The following DTNB variants were observed in gnomAD, a reference collection of about 807,000 sequenced individuals.
DTNB encodes the protein dystrobrevin beta.
A neutral mutation model predicts 90.7 loss-of-function variants in DTNB; 63 were observed. The observed-to-expected ratio is 0.69, with a 90% CI of 0.57 to 0.86. The LOEUF (loss-of-function observed/expected upper bound fraction) is 0.86, where lower values mean the gene tolerates loss of function less well. Among genes scored for constraint, DTNB ranks in the 40% least tolerant of loss-of-function variants. The pLI, the probability that DTNB is intolerant of heterozygous loss-of-function variation, is 0.00. For missense variants in DTNB, 744 were observed against 807.1 expected (o/e 0.92, Z 0.95); for synonymous variants, 277 against 286.7 (o/e 0.97, Z 0.34).
At chr2:25,633,828 C>T (rs1321128628) in intron 3 of DTNB, among the ~76,000 whole-genome samples, 18 of 151,566 alleles carry the variant, frequency 1.2e-4, no homozygotes, top group Non-Finnish European at 1.8e-4. Context: ...CCCGCCACCC[C>T]GTCTGGGATG....
At chr2:25,431,940 AT>A (rs139424695) in intron 14 of DTNB, among the ~76,000 whole-genome samples, 2,736 of 152,062 alleles carry the variant, frequency 0.018, 67 homozygotes, top group African/African-American at 0.063. Context: ...ACATCTAATG[AT>A]TTTTTTTCAC....
intron 10 of DTNB, among the ~76,000 whole-genome samples, chr2:25,457,960 A>C (rs1042489748): frequency 3.5e-4 from 53 of 152,114 alleles, no homozygotes; most frequent in African/African-American, 1.2e-3. Flanking sequence ...CAGCCTCCCA[A>C]GTAGCTGGAA....
At chr2:25,510,634 T>C (rs575919824) in intron 9 of DTNB, among the ~76,000 whole-genome samples, 7 of 151,938 alleles carry the variant, frequency 4.6e-5, no homozygotes, top group South Asian at 2.1e-4. Context: ...CAGCCTCCCA[T>C]GTAGCTGGGA....
chr2:25,438,906 C>A (rs1574470646), intron 12 of DTNB, among the ~76,000 whole-genome samples: 2 of 152,282 alleles, frequency 1.3e-5, no homozygotes, highest in Admixed American at 6.5e-5. Context: ...AAACCCATAA[C>A]CCCAGTTCTA....
At chr2:25,551,924 A>C (rs917185663) in intron 8 of DTNB, among the ~76,000 whole-genome samples, 4 of 152,222 alleles carry the variant, frequency 2.6e-5, no homozygotes, top group Admixed American at 2.6e-4. Context: ...TCCAGCTCAC[A>C]AATTTGTTCT....
chr2:25,379,482 A>T, intron 19 of DTNB, 159 bp from the exon 20 acceptor site: 1 of 907,850 alleles, frequency 1.1e-6, no homozygotes, highest in Non-Finnish European at 1.5e-6. Context: ...GTATGACAGC[A>T]GGGTAGAGTC....
intron 11 of DTNB, among the ~76,000 whole-genome samples, chr2:25,453,089 A>C (rs977088481): frequency 6.6e-6 from 1 of 152,168 alleles, no homozygotes; most frequent in Non-Finnish European, 1.5e-5. Flanking sequence ...CAAGTGGATC[A>C]TATTATGGAG....
intron 6 of DTNB, among the ~76,000 whole-genome samples, chr2:25,592,060 CAA>C (rs1162292627): frequency 0.094 from 4,573 of 48,598 alleles, 179 homozygotes; most frequent in African/African-American, 0.25. Flanking sequence ...GACTCCATCT[CAA>C]AAAAAAAAAA....
rs2054460786 is a variant in DTNB, at chr2:25,433,000, C to CT, written c.1344-2dup. On this transcript the variant is annotated splice_acceptor_variant, in intron 13 of 20. Transcript: ENST00000406818. LOFTEE classifies it high-confidence loss of function. Reference sequence around the variant, plus strand: ...ACGCTGAATCTCCTGCAGGATCTCTCTAGAGAGGATGGGTGAACGGAAAGG... The same window carrying CT: ...ACGCTGAATCTCCTGCAGGATCTCTCTTAGAGAGGATGGGTGAACGGAAAGG... 2 of 1,601,614 alleles carry CT rather than the reference C, an allele frequency of 1.2e-6. No homozygotes were observed. The highest frequency in any genetic ancestry group is 1.7e-6 in the Non-Finnish European group (2 of 1,175,432).
intron 8 of DTNB, among the ~76,000 whole-genome samples, chr2:25,574,448 T>C (rs1278799956): frequency 1.3e-5 from 2 of 152,156 alleles, no homozygotes; most frequent in Admixed American, 1.3e-4. Flanking sequence ...AGATAAAACA[T>C]TCAACAGAAA....
intron 9 of DTNB, among the ~76,000 whole-genome samples, chr2:25,487,419 T>G (rs1019253002): frequency 6.6e-6 from 1 of 152,206 alleles, no homozygotes; most frequent in Non-Finnish European, 1.5e-5. Flanking sequence ...AGAGAGGACT[T>G]AAAGTATATG....
chr2:25,430,636 T>C (rs2053554851), intron 14 of DTNB, among the ~76,000 whole-genome samples: 2 of 152,200 alleles, frequency 1.3e-5, no homozygotes, highest in South Asian at 2.1e-4. Flanking sequence ...TTACATAGGA[T>C]AGTGATAATG....
chr2:25,420,497 T>C (rs1412046657), intron 15 of DTNB, among the ~76,000 whole-genome samples: 3 of 146,630 alleles, frequency 2.0e-5, no homozygotes. Context: ...TATCTATCTA[T>C]CTATCTATCT....
intron 9 of DTNB, among the ~76,000 whole-genome samples, chr2:25,502,779 G>A (rs1197746090): frequency 1.3e-5 from 2 of 151,176 alleles, no homozygotes; most frequent in African/African-American, 4.9e-5. Context: ...TCAGCTACTC[G>A]GGAGGCTGAG....
At position 25,662,683 on chromosome 2, in the gene DTNB, C is replaced by CACACAA. The variant is rs1553662333; in HGVS notation, c.-1-10023_-1-10022insTTGTGT. On this transcript the variant is annotated intron_variant, in intron 1 of 20. Coordinates refer to ENST00000406818, the MANE Select transcript of DTNB (RefSeq NM_021907.5). ...ACACACACACACACACACACACAAA[C>CACACAA]ACACACACACACACACACACACACA... Among the ~76,000 whole-genome samples the CACACAA allele has an allele frequency of 5.9e-4, 60 of 101,694 alleles. 2 individuals are homozygous for CACACAA. Among genetic ancestry groups the CACACAA allele is most frequent in the Middle Eastern group, 4.5e-3 (1 of 222 alleles). 66.7% of individuals were successfully genotyped at this position (101,694 alleles called of 152,430 possible).
intron 1 of DTNB, among the ~76,000 whole-genome samples, chr2:25,659,959 C>T (rs1251637564): frequency 1.2e-4 from 18 of 151,870 alleles, no homozygotes; most frequent in Admixed American, 1.1e-3. Context: ...AAGTCTTCAA[C>T]GAAATATTAG....
At chr2:25,671,673 G>A (rs140013328) in intron 1 of DTNB, among the ~76,000 whole-genome samples, 1 of 152,336 alleles carries the variant, frequency 6.6e-6, no homozygotes, top group East Asian at 1.9e-4. Flanking sequence ...CTCGGGCATA[G>A]TGGACATCCA....
intron 14 of DTNB, among the ~76,000 whole-genome samples, chr2:25,430,064 G>C (rs1399605959): frequency 6.6e-6 from 1 of 151,980 alleles, no homozygotes; most frequent in African/African-American, 2.4e-5. Flanking sequence ...AATGCTTCCA[G>C]AGGAAAATTA....
chr2:25,382,517 GCCT>G lies in DTNB; in HGVS notation c.1879+1316_1879+1318del, dbSNP rs2038105909. On this transcript the variant is annotated intron_variant, in intron 19 of 20. Coordinates refer to ENST00000406818, the MANE Select transcript of DTNB (RefSeq NM_021907.5). ...TGGAGTCAGAAAGACCCAGTTCTCT[GCCT>G]TTTTTTTTTTTTTTTTTTTTTTTTT... Among the ~76,000 whole-genome samples, 4 of 121,752 alleles carry G rather than the reference GCCT, an allele frequency of 3.3e-5. No individual in the cohort carries two copies. The Admixed American group carries it at 3.3e-4, about 10-fold the overall frequency. The allele number at this position is 121,752 out of a possible 152,430, so 79.9% of individuals were successfully genotyped here.
Sources: gnomAD v4.1 joint callset for allele counts (sites outside exome capture counted in the v4.1 genomes callset) on GRCh38, gnomAD v4.1.1 for gene constraint, MANE v1.5 for transcripts, NCBI Gene and HGNC (gene_info 2026-07-23, HGNC 2026-07-21) for gene names.